DAPK2: variants seen among roughly 807,000 people sequenced by gnomAD.
DAPK2 encodes the protein death-associated protein kinase 2.
DAPK2 carries 35 observed loss-of-function variants against 44.1 expected under a neutral mutation model. The observed-to-expected ratio is 0.79, with a 90% CI of 0.61 to 1.05. The LOEUF (loss-of-function observed/expected upper bound fraction) is 1.05, where lower values mean the gene tolerates loss of function less well. Among genes scored for constraint, DAPK2 ranks in the 50% least tolerant of loss-of-function variants. The pLI is 0.00. For missense variants in DAPK2, 453 were observed against 483.2 expected, an observed-to-expected ratio of 0.94 and a Z score of 0.59; for synonymous variants, 174 against 182.6, an observed-to-expected ratio of 0.95 and a Z score of 0.38.
chr15:63,961,988 C>T lies in DAPK2; in HGVS notation c.453+9435G>A, dbSNP rs569466408. ...GTCACTTTCAGGTACACTAATCAAA[C>T]GTAGATTTGGTCTTTTCACGTAGTC... is the stretch of plus-strand genomic sequence containing the variant. On this transcript the variant is annotated intron_variant, in intron 3 of 10. Coordinates refer to ENST00000261891, the Ensembl canonical transcript of DAPK2. Among the ~76,000 whole-genome samples the T allele has an allele frequency of 7.9e-5, 12 of 152,292 alleles. No homozygotes were observed. In the South Asian group the frequency reaches 2.1e-3, roughly 26 times the overall value.
intron 1 of DAPK2, among the ~76,000 whole-genome samples, chr15:64,005,726 C>T (rs942751224): frequency 2.8e-4 from 43 of 152,084 alleles, no homozygotes; most frequent in African/African-American, 9.9e-4. Context: ...CAGATTCAAA[C>T]CACATAAAAC....
At chr15:63,994,865 C>T (rs1378357887) in intron 1 of DAPK2, among the ~76,000 whole-genome samples, 1 of 152,026 alleles carries the variant, frequency 6.6e-6, no homozygotes, top group Non-Finnish European at 1.5e-5. Context: ...GCTAGGATTA[C>T]AGGCGTGAGC....
At position 64,003,010 on chromosome 15, in the gene DAPK2, G is replaced by GTGTGTGTGTGTGTT. The variant is rs1314879276; in HGVS notation, c.93-19257_93-19256insAACACACACACACA. On this transcript the variant is annotated intron_variant, in intron 1 of 10. Coordinates refer to ENST00000261891, the Ensembl canonical transcript of DAPK2. ...TGTGTGTGTGTGTGTGTGTGTGTGT[G>GTGTGTGTGTGTGTT]TGTGTCGTGGGACCAGAGGTGGTGG... 3.7e-3 allele frequency among the ~76,000 whole-genome samples: 513 copies of GTGTGTGTGTGTGTT among 140,488 alleles called. 16 individuals are homozygous for GTGTGTGTGTGTGTT. The highest frequency in any genetic ancestry group is 0.017 in the Middle Eastern group (4 of 238). The allele number at this position is 140,488 out of a possible 152,430, so 92.2% of individuals were successfully genotyped here. A position where few individuals can be genotyped will look rare whatever the true frequency, so the allele number is the denominator to read the frequency against.
intron 3 of DAPK2, among the ~76,000 whole-genome samples, chr15:63,955,045 T>C (rs2077686079): frequency 6.6e-6 from 1 of 152,218 alleles, no homozygotes; most frequent in Admixed American, 6.5e-5. Context: ...GTTCTAACAA[T>C]TTTTTGGTGG....
In DAPK2 at chr15:64,036,315, ATATG is replaced by A. The variant is rs1231889953; in HGVS notation, c.92+3851_92+3854del. Among the ~76,000 whole-genome samples the A allele has an allele frequency of 2.5e-3, 175 of 70,612 alleles. 4 individuals are homozygous for A. Among genetic ancestry groups the A allele is most frequent in the African/African-American group, 5.2e-3 (155 of 30,046 alleles). The allele number at this position is 70,612 out of a possible 152,430, so 46.3% of individuals were successfully genotyped here. On this transcript the variant is annotated intron_variant, in intron 1 of 10. Coordinates refer to ENST00000261891, the Ensembl canonical transcript of DAPK2. ...TGTGTGTGTGTGTGTGTGTGTATAT[ATATG>A]TATATATATATATATATACATATAT... is the stretch of plus-strand genomic sequence containing the variant.
chr15:63,988,707 T>A (rs1264100607), intron 1 of DAPK2, among the ~76,000 whole-genome samples: 1 of 151,730 alleles, frequency 6.6e-6, no homozygotes, highest in African/African-American at 2.4e-5. Context: ...GATTTCACCA[T>A]GTTGGCCAGG....
intron 3 of DAPK2, among the ~76,000 whole-genome samples, chr15:63,955,683 T>C (rs931298509): frequency 6.6e-6 from 1 of 152,144 alleles, no homozygotes; most frequent in Non-Finnish European, 1.5e-5. Context: ...TCCTCCCATC[T>C]CAGCCTCCCA....
intron 1 of DAPK2, among the ~76,000 whole-genome samples, chr15:64,001,954 G>A (rs2079096031): frequency 6.6e-6 from 1 of 152,222 alleles, no homozygotes; most frequent in South Asian, 2.1e-4. Flanking sequence ...GGTAAAGGCA[G>A]TATTATGAAC....
intron 3 of DAPK2, among the ~76,000 whole-genome samples, chr15:63,965,908 G>A (rs552165754): frequency 8.3e-4 from 127 of 152,344 alleles, no homozygotes; most frequent in Non-Finnish European, 1.3e-3. Flanking sequence ...GCCAAGGCCT[G>A]AAATTGGAAA....
chr15:64,010,434 T>C (rs117118455), intron 1 of DAPK2, among the ~76,000 whole-genome samples: 4,495 of 152,308 alleles, frequency 0.03, 93 homozygotes, highest in South Asian at 0.065. Context: ...CTTTCCCAAC[T>C]ACAGTTTTCA....
chr15:64,028,682 A>T (rs1340563847), intron 1 of DAPK2, among the ~76,000 whole-genome samples: 1 of 152,220 alleles, frequency 6.6e-6, no homozygotes, highest in Non-Finnish European at 1.5e-5. Flanking sequence ...TGAAGTATTA[A>T]GGGGTGAAGA....
chr15:64,036,903 G>T (rs780539495), intron 1 of DAPK2, among the ~76,000 whole-genome samples: 4 of 152,058 alleles, frequency 2.6e-5, no homozygotes, highest in Admixed American at 1.3e-4. Flanking sequence ...CTACTCCAAA[G>T]GCTCGATCTG....
At chr15:63,913,535 T>G (rs948656930) in intron 8 of DAPK2, among the ~76,000 whole-genome samples, 3 of 152,198 alleles carry the variant, frequency 2.0e-5, no homozygotes, top group African/African-American at 7.2e-5. Context: ...ACAGCCTTCC[T>G]GCCGCAATGC....
At chr15:63,946,789 G>A (rs1271366926) in intron 3 of DAPK2, among the ~76,000 whole-genome samples, 1 of 152,200 alleles carries the variant, frequency 6.6e-6, no homozygotes, top group East Asian at 1.9e-4. Context: ...CAGCAAAGCA[G>A]AGGCCCAGCC....
intron 1 of DAPK2, among the ~76,000 whole-genome samples, chr15:64,035,310 A>G (rs1451095211): frequency 3.3e-5 from 5 of 152,194 alleles, no homozygotes; most frequent in African/African-American, 4.8e-5. Context: ...TCACAAAACC[A>G]TCACTGGGCC....
In DAPK2 at chr15:63,923,391, C is replaced by A; in HGVS notation, c.858+1425G>T. ...AATCAGAGTGTTAATTTGCCGCCCA[C>A]CCCAGAGGGCAGTCCAAAGGGTAGG... On this transcript the variant is annotated intron_variant, in intron 8 of 10. Transcript: ENST00000261891. This position sits in a 1 kb window ranked among gnomAD's most constrained non-coding sequence, Gnocchi z 4.2. 4 of 1,511,082 alleles carry A rather than the reference C, an allele frequency of 2.6e-6. No homozygotes were observed. In the South Asian group the frequency reaches 3.8e-5, roughly 14 times the overall value. 93.6% of individuals were successfully genotyped at this position (1,511,082 alleles called of 1,614,324 possible).
chr15:64,014,657 C>T (rs777640832), intron 1 of DAPK2, among the ~76,000 whole-genome samples: 5 of 152,314 alleles, frequency 3.3e-5, no homozygotes, highest in Admixed American at 6.5e-5. Context: ...TGGTGGCTCA[C>T]GCCTGTAATC....
intron 1 of DAPK2, among the ~76,000 whole-genome samples, chr15:63,996,806 A>G (rs1595871382): frequency 6.6e-6 from 1 of 152,342 alleles, no homozygotes; most frequent in Admixed American, 6.5e-5. Context: ...AATCATGTAC[A>G]GCCGATCCTA....
Position 63,941,484 on chromosome 15 carries a change from T to A in DAPK2, c.454-2123A>T, listed in dbSNP as rs574924924. 2.5e-4 allele frequency among the ~76,000 whole-genome samples: 38 copies of A among 152,300 alleles called. 1 individual carries two copies. Among genetic ancestry groups the A allele is most frequent in the African/African-American group, 8.9e-4 (37 of 41,576 alleles). The stretch of plus-strand genomic sequence containing the variant: ...AGCACAGCAGCTGGCATGCTGAGGG[T>A]GACCCTAGCTGTTAGCTGAACTGAT... On this transcript the variant is annotated intron_variant, in intron 3 of 10. Coordinates refer to ENST00000261891, the Ensembl canonical transcript of DAPK2.
Sources: allele counts gnomAD v4.1 joint callset (sites outside exome capture counted in the v4.1 genomes callset), GRCh38; gene constraint gnomAD v4.1.1; non-coding constraint Gnocchi (gnomAD v3.1); transcripts MANE v1.5; gene names NCBI Gene and HGNC (gene_info 2026-07-23, HGNC 2026-07-21).